The following BET1L variants were observed in gnomAD, a reference collection of about 807,000 sequenced individuals.
BET1L encodes Bet1 golgi vesicular membrane trafficking protein like.
Under a neutral mutation model 12.6 loss-of-function variants are expected in BET1L, and 13 were observed. The observed-to-expected ratio is 1.03, with a 90% CI of 0.67 to 1.64. The LOEUF is 1.64. Ranked by LOEUF, BET1L falls within the 40% of genes most tolerant of loss-of-function variation. BET1L has a pLI of 0.00. For synonymous variants in BET1L, 60 were observed against 56.9 expected, an observed-to-expected ratio of 1.05 and a Z score of -0.25; for missense variants, 154 against 150.7, an observed-to-expected ratio of 1.02 and a Z score of -0.11.
intron 1 of BET1L, chr11:206,993 C>A (rs1855180660): frequency 2.3e-6 from 1 of 440,078 alleles, no homozygotes; most frequent in South Asian, 3.1e-5. Flanking sequence ...TGTCGAATGC[C>A]GACTCCCGCT....
chr11:205,093 G>C lies in BET1L; in HGVS notation c.*209C>G. The C allele has an allele frequency of 1.5e-6, 1 of 647,428 alleles. No homozygotes were observed. The highest frequency in any genetic ancestry group is 2.0e-5 in the South Asian group (1 of 50,306). 40.1% of individuals were successfully genotyped at this position (647,428 alleles called of 1,614,324 possible). A position where few individuals can be genotyped will look rare whatever the true frequency, so the allele number is the denominator to read the frequency against. ...GGAGGGGCTGGGCCTTGGTTTCCCC[G>C]AGAGAGTCCCTTTCACACATGGGAC... On this transcript the variant is annotated 3_prime_UTR_variant, in exon 4 of 4. Coordinates refer to ENST00000382762, the MANE Select transcript of BET1L (RefSeq NM_001098787.2).
Position 204,375 on chromosome 11 carries a change from G to C in BET1L, c.*927C>G, listed in dbSNP as rs948734000. ...GCACAGAATGCCATCACAGCCAGGG[G>C]AGTCTGGCAGGGCTTGGCGGAGGCG... is the stretch of plus-strand genomic sequence containing the variant. On this transcript the variant is annotated 3_prime_UTR_variant, in exon 4 of 4. Coordinates refer to ENST00000382762, the MANE Select transcript of BET1L (RefSeq NM_001098787.2). 1 of 152,296 alleles carries C rather than the reference G, an allele frequency of 6.6e-6. No homozygotes were observed. The highest frequency in any genetic ancestry group is 2.4e-5 in the African/African-American group (1 of 41,444). 9.4% of individuals were successfully genotyped at this position (152,296 alleles called of 1,614,324 possible).
In BET1L at chr11:205,591, C is replaced by T. The variant is rs371466525; in HGVS notation, c.168+20G>A. The T allele has an allele frequency of 1.5e-5, 24 of 1,613,920 alleles. No individual in the cohort carries two copies. The highest frequency in any genetic ancestry group is 1.6e-4 in the Middle Eastern group (1 of 6,084). On this transcript the variant is annotated intron_variant, in intron 3 of 3. Coordinates refer to ENST00000382762, the MANE Select transcript of BET1L (RefSeq NM_001098787.2). ...AGTGCTAGGGCAGGGCACTGATACACGCACACCGTGGGCCCTTACCATGCC... is the reference window on the plus strand; with the variant it reads ...AGTGCTAGGGCAGGGCACTGATACATGCACACCGTGGGCCCTTACCATGCC...
At position 205,422 on chromosome 11, in the gene BET1L, C is replaced by T. The variant is rs1855124620; in HGVS notation, c.216G>A (p.Lys72=). Residue 72 remains lysine, a synonymous_variant, in exon 4 of 4, where the codon AAG becomes AAA. Transcript: ENST00000382762. ...CGGACCTTGCCATTGTGGAAAAGCGCTTCACGCTCCCTGTAAGCAGGCTGG... is the reference window on the plus strand; with the variant it reads ...CGGACCTTGCCATTGTGGAAAAGCGTTTCACGCTCCCTGTAAGCAGGCTGG... ...SMTSLLTGSV[K]RFSTMARSGQ... is the part of the protein sequence containing the mutation. The T allele has an allele frequency of 6.2e-7, 1 of 1,614,104 alleles. No individual in the cohort carries two copies. The highest frequency in any genetic ancestry group is 1.7e-5 in the Admixed American group (1 of 60,010).
intron 1 of BET1L, chr11:206,971 G>C (rs1176312253): frequency 2.4e-6 from 1 of 409,074 alleles, no homozygotes; most frequent in African/African-American, 2.1e-5. Context: ...CCTAGGGCCT[G>C]GCCTCGGGAC....
chr11:204,941 C>A lies in BET1L; in HGVS notation c.*361G>T, dbSNP rs1003629362. On this transcript the variant is annotated 3_prime_UTR_variant, in exon 4 of 4. Coordinates refer to ENST00000382762, the MANE Select transcript of BET1L (RefSeq NM_001098787.2). ...CCTTAAGATGTCAGAGTCCCAAGCG[C>A]GGGGAGAAGGGCTGCAAGCCACAGG... 2 of 281,640 alleles carry A rather than the reference C, an allele frequency of 7.1e-6. No individual in the cohort carries two copies. Among genetic ancestry groups the A allele is most frequent in the Admixed American group, 4.9e-5 (1 of 20,288 alleles). 17.4% of individuals were successfully genotyped at this position (281,640 alleles called of 1,614,324 possible). A position where few individuals can be genotyped will look rare whatever the true frequency, so the allele number is the denominator to read the frequency against.
Position 205,990 on chromosome 11 carries a change from C to T in BET1L, c.73G>A (p.Ala25Thr). Reference sequence around the variant, plus strand: ...GTGACTTTGGAGGCCAGGCTGTCAGCCATTCGCTTGTTCTCCCGGTCTAGA... The same window carrying T: ...GTGACTTTGGAGGCCAGGCTGTCAGTCATTCGCTTGTTCTCCCGGTCTAGA... Reference protein sequence around the residue: ...EILDRENKRMADSLASKVTRL... With the variant: ...EILDRENKRMTDSLASKVTRL... The change falls in exon 2 of 4, where the codon GCT becomes ACT. Residue 25 changes from alanine to threonine, a missense_variant. By Grantham distance (58) the Ala-to-Thr change is moderately conservative (BLOSUM62 0). Transcript: ENST00000382762. 1 of 1,614,096 alleles carries T rather than the reference C, an allele frequency of 6.2e-7. No individual in the cohort carries two copies. Among genetic ancestry groups the T allele is most frequent in the Non-Finnish European group, 8.5e-7 (1 of 1,180,034 alleles).
Position 205,171 on chromosome 11 carries a change from G to A in BET1L, c.*131C>T. The A allele has an allele frequency of 3.1e-6, 4 of 1,273,008 alleles. No individual in the cohort carries two copies. The highest frequency in any genetic ancestry group is 2.8e-5 in the Admixed American group (1 of 36,118). The allele number at this position is 1,273,008 out of a possible 1,614,324, so 78.9% of individuals were successfully genotyped here. On this transcript the variant is annotated 3_prime_UTR_variant, in exon 4 of 4. Transcript: ENST00000382762. ...GGCAGCCGCAGCCTCCTGCCACACA[G>A]GAAGAAGATTCCTGACCCACAATTA...
Position 205,293 on chromosome 11 carries a change from C to G in BET1L, c.*9G>C, listed in dbSNP as rs781487025. 2 of 1,609,108 alleles carry G rather than the reference C, an allele frequency of 1.2e-6. No homozygotes were observed. The highest frequency in any genetic ancestry group is 2.2e-5 in the South Asian group (2 of 90,548). Reference sequence around the variant, plus strand: ...CCCTTGGCACCCACAGACACCAGCTCCCACTGGCTCACGTCCTTGCCCTGG... The same window carrying G: ...CCCTTGGCACCCACAGACACCAGCTGCCACTGGCTCACGTCCTTGCCCTGG... On this transcript the variant is annotated 3_prime_UTR_variant, in exon 4 of 4. Coordinates refer to ENST00000382762, the MANE Select transcript of BET1L (RefSeq NM_001098787.2).
intron 2 of BET1L, 50 bp from the exon 3 acceptor site, chr11:205,717 A>G (rs749228549): frequency 6.3e-7 from 1 of 1,578,524 alleles, no homozygotes; most frequent in Non-Finnish European, 8.6e-7. Flanking sequence ...GACACATAAT[A>G]CAGCACTCAC....
intron 2 of BET1L, 107 bp downstream of exon 2, chr11:205,845 G>T: frequency 1.4e-6 from 2 of 1,457,730 alleles, no homozygotes; most frequent in Non-Finnish European, 9.5e-7. Flanking sequence ...CCACGAATTG[G>T]ATGAGGATGG....
chr11:204,282 G>A lies in BET1L; in HGVS notation c.*1020C>T, dbSNP rs1159150928. On this transcript the variant is annotated 3_prime_UTR_variant, in exon 4 of 4. Coordinates refer to ENST00000382762, the MANE Select transcript of BET1L (RefSeq NM_001098787.2). ...GGTTTGAACATGAATCCAGCCCAGT[G>A]GACAGGGAAGGCCCAGGGAGAGGTG... The A allele has an allele frequency of 1.3e-5, 2 of 152,346 alleles. No homozygotes were observed. The highest frequency in any genetic ancestry group is 1.9e-4 in the East Asian group (1 of 5,194). 9.4% of individuals were successfully genotyped at this position (152,346 alleles called of 1,614,324 possible). A position where few individuals can be genotyped will look rare whatever the true frequency, so the allele number is the denominator to read the frequency against.
chr11:205,314 C>T lies in BET1L; in HGVS notation c.324G>A (p.Arg108=). Reference sequence around the variant, plus strand: ...AGCTCCCACTGGCTCACGTCCTTGCCCTGGACAAGAAGTAGGAGAGGATGA... The same window carrying T: ...AGCTCCCACTGGCTCACGTCCTTGCTCTGGACAAGAAGTAGGAGAGGATGA... The part of the protein sequence containing the change: ...AFFILSYFLS[R]ART The change falls in exon 4 of 4, where the codon AGG becomes AGA. Residue 108 remains arginine (R), a synonymous_variant. Transcript: ENST00000382762. 1.9e-6 allele frequency: 3 copies of T among 1,612,934 alleles called. No individual in the cohort carries two copies. Among genetic ancestry groups the T allele is most frequent in the Non-Finnish European group, 8.5e-7 (1 of 1,179,298 alleles).
rs976182164 is a variant in BET1L, at chr11:204,288, G to A, written c.*1014C>T. On this transcript the variant is annotated 3_prime_UTR_variant, in exon 4 of 4. Transcript: ENST00000382762. ...AACATGAATCCAGCCCAGTGGACAGGGAAGGCCCAGGGAGAGGTGGGTAGG... is the reference window on the plus strand; with the variant it reads ...AACATGAATCCAGCCCAGTGGACAGAGAAGGCCCAGGGAGAGGTGGGTAGG... 4 of 152,460 alleles carry A rather than the reference G, an allele frequency of 2.6e-5. No individual in the cohort carries two copies. In the East Asian group the frequency reaches 7.7e-4, roughly 29 times the overall value. 9.4% of individuals were successfully genotyped at this position (152,460 alleles called of 1,614,324 possible). A position where few individuals can be genotyped will look rare whatever the true frequency, so the allele number is the denominator to read the frequency against.
chr11:205,032 C>G lies in BET1L; in HGVS notation c.*270G>C, dbSNP rs1424758096. 1 of 453,492 alleles carries G rather than the reference C, an allele frequency of 2.2e-6. No homozygotes were observed. Among genetic ancestry groups the G allele is most frequent in the East Asian group, 4.3e-5 (1 of 23,488 alleles). The allele number at this position is 453,492 out of a possible 1,614,324, so 28.1% of individuals were successfully genotyped here. A position where few individuals can be genotyped will look rare whatever the true frequency, so the allele number is the denominator to read the frequency against. On this transcript the variant is annotated 3_prime_UTR_variant, in exon 4 of 4. Coordinates refer to ENST00000382762, the MANE Select transcript of BET1L (RefSeq NM_001098787.2). ...GGCTTCTCCAGACACGCTGTGGCCC[C>G]AGCTCTGCCTGGCTCTCTAGCACCT...
In BET1L at chr11:205,379, G is replaced by C. The variant is rs780380014; in HGVS notation, c.259C>G (p.Leu87Val). The change falls in exon 4 of 4, where the codon CTT becomes GTT. Residue 87 changes from leucine (L) to valine (V), a missense_variant. Leu to Val is a conservative substitution (Grantham distance 32). Transcript: ENST00000382762. ...AGACCCACGGCCATGCCACATAGAA[G>C]CTTCCGGTTGTCTTGTCCGGACCTT... Reference protein sequence around the residue: ...MARSGQDNRKLLCGMAVGLIV... With the variant: ...MARSGQDNRKVLCGMAVGLIV... 1 of 1,614,212 alleles carries C rather than the reference G, an allele frequency of 6.2e-7. No homozygotes were observed. Among genetic ancestry groups the C allele is most frequent in the Non-Finnish European group, 8.5e-7 (1 of 1,180,034 alleles).
chr11:206,067 G>A (rs768779562), intron 1 of BET1L, 24 bp from the exon 2 acceptor site: 8 of 1,607,634 alleles, frequency 5.0e-6, no homozygotes, highest in Non-Finnish European at 6.8e-6. Flanking sequence ...GGGGCTGAAG[G>A]GTTGCATCCA....
chr11:205,192 A>G lies in BET1L; in HGVS notation c.*110T>C. 7.3e-7 allele frequency: 1 copy of G among 1,361,410 alleles called. No individual in the cohort carries two copies. Among genetic ancestry groups the G allele is most frequent in the Non-Finnish European group, 9.8e-7 (1 of 1,017,128 alleles). The allele number at this position is 1,361,410 out of a possible 1,614,324, so 84.3% of individuals were successfully genotyped here. A position where few individuals can be genotyped will look rare whatever the true frequency, so the allele number is the denominator to read the frequency against. ...CACAGGAAGAAGATTCCTGACCCAC[A>G]ATTATCATTGCAAAGGAGTATTTTG... On this transcript the variant is annotated 3_prime_UTR_variant, in exon 4 of 4. Coordinates refer to ENST00000382762, the MANE Select transcript of BET1L (RefSeq NM_001098787.2).
rs747785785 is a variant in BET1L, at chr11:205,388, T to C, written c.250A>G (p.Asn84Asp). 6.8e-6 allele frequency: 11 copies of C among 1,614,186 alleles called. No individual in the cohort carries two copies. The highest frequency in any genetic ancestry group is 9.3e-6 in the Non-Finnish European group (11 of 1,180,030). The change falls in exon 4 of 4, where the codon AAC (asparagine) becomes GAC (aspartate). Residue 84 changes from asparagine to aspartate, a missense_variant. Asn to Asp is a conservative substitution (Grantham distance 23). Coordinates refer to ENST00000382762, the MANE Select transcript of BET1L (RefSeq NM_001098787.2). ...GCCATGCCACATAGAAGCTTCCGGT[T>C]GTCTTGTCCGGACCTTGCCATTGTG... is the stretch of plus-strand genomic sequence containing the variant. ...FSTMARSGQD[N>D]RKLLCGMAVG...
Sources: gnomAD v4.1 joint callset for allele counts on GRCh38, gnomAD v4.1.1 for gene constraint, MANE v1.5 for transcripts, NCBI Gene and HGNC (gene_info 2026-07-23, HGNC 2026-07-21) for gene names.